CNKSR2: variants seen among roughly 807,000 people sequenced by gnomAD.
CNKSR2 encodes the protein connector enhancer of kinase suppressor of Ras 2.
CNKSR2 carries 14 observed loss-of-function variants against 84.4 expected under a neutral mutation model. The observed-to-expected ratio is 0.17, with a 90% CI of 0.11 to 0.26. The LOEUF (loss-of-function observed/expected upper bound fraction) is 0.26. Ranked by LOEUF, CNKSR2 falls within the 10% of genes least tolerant of loss-of-function variation. The pLI, the probability that CNKSR2 is intolerant of heterozygous loss-of-function variation, is 1.00. For synonymous variants in CNKSR2, 275 were observed against 277.9 expected (o/e 0.99, Z 0.10); for missense variants, 485 against 771.2 (o/e 0.63, Z 4.40).
intron 18 of CNKSR2, among the ~76,000 whole-genome samples, chrX:21,603,289 C>T (rs2092494568): frequency 8.9e-6 from 1 of 112,130 alleles, no homozygotes; most frequent in African/African-American, 3.2e-5. Context: ...AGGTCAGAAA[C>T]ATATTAGACT....
chrX:21,527,293 C>T (rs1402730491), intron 10 of CNKSR2, among the ~76,000 whole-genome samples: 1 of 109,110 alleles, frequency 9.2e-6, no homozygotes, highest in Non-Finnish European at 1.9e-5. Context: ...AATAAGTAAA[C>T]AATAAGTGAG....
intron 1 of CNKSR2, among the ~76,000 whole-genome samples, chrX:21,413,910 C>T (rs1453787090): frequency 9.0e-6 from 1 of 110,615 alleles, no homozygotes; most frequent in Non-Finnish European, 1.9e-5. Context: ...CAACAAACTG[C>T]AGAACTGCAA....
intron 1 of CNKSR2, among the ~76,000 whole-genome samples, chrX:21,408,649 C>T (rs1417259229): frequency 8.1e-5 from 9 of 111,440 alleles, no homozygotes. Context: ...TCTCCTTTCC[C>T]TAGGAGAAGA....
chrX:21,591,219 C>G (rs1019340216), intron 15 of CNKSR2, 25 bp downstream of exon 15: 3 of 1,072,953 alleles, frequency 2.8e-6, no homozygotes, highest in African/African-American at 1.9e-5. Flanking sequence ...CTTTTGTTTT[C>G]TCATCCATTC....
At chrX:21,563,204 A>G (rs757772007) in intron 12 of CNKSR2, 34 bp from the exon 13 acceptor site, 11 of 1,062,229 alleles carry the variant, frequency 1.0e-5, no homozygotes, top group Admixed American at 2.6e-5. Flanking sequence ...GTATTTGTGT[A>G]TTTATATTGG....
intron 4 of CNKSR2, among the ~76,000 whole-genome samples, chrX:21,465,937 G>T (rs780625079): frequency 9.0e-6 from 1 of 111,446 alleles, no homozygotes; most frequent in East Asian, 2.8e-4. Context: ...GATCCTGTGT[G>T]GGTGTATAGC....
intron 1 of CNKSR2, chrX:21,421,739 T>G (rs2090500113): frequency 9.0e-6 from 1 of 110,647 alleles, no homozygotes; most frequent in Non-Finnish European, 1.9e-5. Context: ...AATGGGATCA[T>G]CACTAGGAGG....
intron 1 of CNKSR2, among the ~76,000 whole-genome samples, chrX:21,383,008 T>G: frequency 8.9e-6 from 1 of 111,857 alleles, no homozygotes; most frequent in East Asian, 2.8e-4. Context: ...AAAATTTTTC[T>G]AATAAAGCCT....
chrX:21,405,076 G>C (rs1601744743), intron 1 of CNKSR2, among the ~76,000 whole-genome samples: 1 of 111,095 alleles, frequency 9.0e-6, no homozygotes, highest in East Asian at 2.8e-4. Context: ...TTTGCTATCT[G>C]AATGGCAAGT....
At chrX:21,615,276 A>G (rs1461357513) in intron 20 of CNKSR2, among the ~76,000 whole-genome samples, 3 of 112,533 alleles carry the variant, frequency 2.7e-5, no homozygotes, top group Non-Finnish European at 5.6e-5. Context: ...AATGTTAGAT[A>G]TATAAATGAA....
intron 11 of CNKSR2, 101 bp from the exon 12 acceptor site, chrX:21,561,370 G>A: frequency 1.6e-6 from 1 of 626,713 alleles, no homozygotes; most frequent in Admixed American, 2.5e-5. Flanking sequence ...TGTTGCATAA[G>A]AGTGAGTGTG....
chrX:21,562,043 G>C (rs1031456711), intron 12 of CNKSR2, among the ~76,000 whole-genome samples: 1 of 108,462 alleles, frequency 9.2e-6, no homozygotes, highest in African/African-American at 3.3e-5. Context: ...AAAAAAAACC[G>C]TGCTTTTTTT....
At chrX:21,578,276 C>T (rs1268757114) in intron 13 of CNKSR2, among the ~76,000 whole-genome samples, 1 of 111,574 alleles carries the variant, frequency 9.0e-6, no homozygotes, top group East Asian at 2.8e-4. Flanking sequence ...CCATAGTAAA[C>T]AGGAGAATAA....
chrX:21,497,801 A>G lies in CNKSR2; in HGVS notation c.696A>G (p.Lys232=). ...KPSEGLGMYI[K]STYDGLHVIT... ...CTTTTTCTTAGGGTATGTATATTAAATCTACATATGATGGCCTCCATGTAA... is the reference window on the plus strand; with the variant it reads ...CTTTTTCTTAGGGTATGTATATTAAGTCTACATATGATGGCCTCCATGTAA... The change falls in exon 7 of 22, where the codon AAA becomes AAG. Residue 232 remains lysine, a synonymous_variant. Coordinates refer to ENST00000379510, the MANE Select transcript of CNKSR2 (RefSeq NM_014927.5). 1.1e-6 allele frequency: 1 copy of G among 935,826 alleles called. No individual in the cohort carries two copies. Among genetic ancestry groups the G allele is most frequent in the East Asian group, 3.1e-5 (1 of 32,472 alleles). The allele number at this position is 935,826 out of a possible 1,213,427, so 77.1% of individuals were successfully genotyped here.
intron 11 of CNKSR2, among the ~76,000 whole-genome samples, chrX:21,552,925 T>C (rs2092106215): frequency 8.9e-6 from 1 of 111,901 alleles, no homozygotes; most frequent in African/African-American, 3.2e-5. Context: ...ACTGGAGACA[T>C]TAGAGCAAAT....
chrX:21,384,111 A>G (rs2089936645), intron 1 of CNKSR2, among the ~76,000 whole-genome samples: 1 of 112,018 alleles, frequency 8.9e-6, no homozygotes, highest in African/African-American at 3.2e-5. Flanking sequence ...AATACATATA[A>G]CAGAGAAAGT....
At position 21,411,708 on chromosome X, in the gene CNKSR2, C is replaced by A. The variant is rs1000628817; in HGVS notation, c.65-14789C>A. Among the ~76,000 whole-genome samples the A allele has an allele frequency of 3.6e-5, 4 of 111,062 alleles. No homozygotes were observed. In the South Asian group the frequency reaches 1.5e-3, roughly 43 times the overall value. On this transcript the variant is annotated intron_variant, in intron 1 of 21. Coordinates refer to ENST00000379510, the MANE Select transcript of CNKSR2 (RefSeq NM_014927.5). Reference sequence around the variant, plus strand: ...CACACTTCTCCCAGAAAACTTACTCCTGATCTCTCTGACATGGTCAAATCA... The same window carrying A: ...CACACTTCTCCCAGAAAACTTACTCATGATCTCTCTGACATGGTCAAATCA...
chrX:21,517,295 G>A (rs1189124809), intron 9 of CNKSR2, among the ~76,000 whole-genome samples: 4 of 110,262 alleles, frequency 3.6e-5, no homozygotes, highest in African/African-American at 6.6e-5. Context: ...TGAGGCAGGA[G>A]GATCATGTAA....
chrX:21,441,654 T>C lies in CNKSR2; in HGVS notation c.519+873T>C, dbSNP rs911922354. On this transcript the variant is annotated intron_variant, in intron 4 of 21. Transcript: ENST00000379510. The stretch of plus-strand genomic sequence containing the variant: ...CGAACAGTTAATGTTCATCTAATCA[T>C]CTAATTCAGCCATTATATACATACT... 6.3e-5 allele frequency among the ~76,000 whole-genome samples: 7 copies of C among 111,804 alleles called. No individual in the cohort carries two copies. In the Admixed American group the frequency reaches 6.7e-4, roughly 11 times the overall value.
Sources: gnomAD v4.1 joint callset for allele counts (sites outside exome capture counted in the v4.1 genomes callset) on GRCh38, gnomAD v4.1.1 for gene constraint, MANE v1.5 for transcripts, NCBI Gene and HGNC (gene_info 2026-07-23, HGNC 2026-07-21) for gene names.